INPP5A: variants seen among roughly 807,000 people sequenced by gnomAD.
The protein encoded by INPP5A is inositol polyphosphate-5-phosphatase A.
A neutral mutation model predicts 65.2 loss-of-function variants in INPP5A; 14 were observed. The observed-to-expected ratio is 0.21, with a 90% confidence interval of 0.14 to 0.34. The LOEUF is 0.34. Among genes scored for constraint, INPP5A ranks in the 10% least tolerant of loss-of-function variants. INPP5A has a pLI of 1.00. For missense variants in INPP5A, 431 were observed against 545.6 expected, an observed-to-expected ratio of 0.79 and a Z score of 2.09; for synonymous variants, 207 against 208.3, an observed-to-expected ratio of 0.99 and a Z score of 0.05.
intron 4 of INPP5A, among the ~76,000 whole-genome samples, chr10:132,685,319 G>C (rs1475013998): frequency 6.6e-6 from 1 of 152,260 alleles, no homozygotes; most frequent in Non-Finnish European, 1.5e-5. Context: ...GCTGGCACCT[G>C]TGGTCACGCC....
intron 2 of INPP5A, among the ~76,000 whole-genome samples, chr10:132,638,759 G>A (rs1354053194): frequency 6.6e-6 from 1 of 152,022 alleles, no homozygotes; most frequent in East Asian, 1.9e-4. Context: ...GTAGAGACGG[G>A]GTTTCACCAT....
Position 132,749,615 on chromosome 10 carries a change from G to T in INPP5A, c.828+3G>T. ...GTGAGTCGGACAACGACCGGAAGGT[G>T]AGCGGGGCCTGTGACTGGGCAGGTG... is the stretch of plus-strand genomic sequence containing the variant. On this transcript the variant is annotated splice_donor_region_variant and intron_variant, in intron 10 of 15. Transcript: ENST00000368594. The T allele has an allele frequency of 1.2e-6, 2 of 1,612,818 alleles. No individual in the cohort carries two copies.
rs1271374376 is a variant in INPP5A, at chr10:132,575,669, C to A, written c.76-32246C>A. On this transcript the variant is annotated intron_variant, in intron 1 of 15. Transcript: ENST00000368594. The surrounding 1 kb of genome is among the most constrained non-coding windows in gnomAD (Gnocchi z 5.4). Reference sequence around the variant, plus strand: ...TTTATCTTGGCGAGGAGGAATCCTGCACCAGCTTAGACAAGGAACTCCTGA... The same window carrying A: ...TTTATCTTGGCGAGGAGGAATCCTGAACCAGCTTAGACAAGGAACTCCTGA... Among the ~76,000 whole-genome samples the A allele has an allele frequency of 1.3e-5, 2 of 152,212 alleles. No individual in the cohort carries two copies. The highest frequency in any genetic ancestry group is 2.9e-5 in the Non-Finnish European group (2 of 68,038).
chr10:132,738,176 A>G (rs1293363957), intron 9 of INPP5A, among the ~76,000 whole-genome samples: 2 of 152,206 alleles, frequency 1.3e-5, no homozygotes, highest in Admixed American at 6.5e-5. Flanking sequence ...TTATTTAAAA[A>G]TTCCTCTGAC....
chr10:132,689,357 A>G (rs1590927919), intron 4 of INPP5A, among the ~76,000 whole-genome samples: 2 of 151,990 alleles, frequency 1.3e-5, no homozygotes, highest in Admixed American at 6.6e-5. Context: ...TCTCTGGCCC[A>G]CCTGGCACCG....
In INPP5A at chr10:132,550,056, G is replaced by A. The variant is rs1462943527; in HGVS notation, c.75+11885G>A. On this transcript the variant is annotated intron_variant, in intron 1 of 15. Coordinates refer to ENST00000368594, the MANE Select transcript of INPP5A (RefSeq NM_005539.5). The surrounding 1 kb of genome is among the most constrained non-coding windows in gnomAD (Gnocchi z 4.2). The stretch of plus-strand genomic sequence containing the variant: ...GGCATTAGGGGATGGGGTCAGCCTC[G>A]AGTTACTAACCGGGCATTAGGGGAT... Among the ~76,000 whole-genome samples, 1 of 106,566 alleles carries A rather than the reference G, an allele frequency of 9.4e-6. No homozygotes were observed. Among genetic ancestry groups the A allele is most frequent in the Admixed American group, 9.6e-5 (1 of 10,470 alleles). The allele number at this position is 106,566 out of a possible 152,430, so 69.9% of individuals were successfully genotyped here. A position where few individuals can be genotyped will look rare whatever the true frequency, so the allele number is the denominator to read the frequency against.
chr10:132,688,497 C>T (rs972999143), intron 4 of INPP5A, among the ~76,000 whole-genome samples: 2 of 152,224 alleles, frequency 1.3e-5, no homozygotes, highest in African/African-American at 2.4e-5. Flanking sequence ...TCTGCAGCCC[C>T]GTAGGGCAGC....
At chr10:132,773,156 TTG>T (rs1846986626) in intron 12 of INPP5A, among the ~76,000 whole-genome samples, 1 of 152,254 alleles carries the variant, frequency 6.6e-6, no homozygotes, top group Non-Finnish European at 1.5e-5. Flanking sequence ...GCACTCAGCC[TTG>T]TGTGTGCCTC....
rs73383156 is a variant in INPP5A, at chr10:132,641,651, G to A, written c.118-4217G>A. Among the ~76,000 whole-genome samples, 452 of 152,368 alleles carry A rather than the reference G, an allele frequency of 3.0e-3. 2 individuals are homozygous for A. Among genetic ancestry groups the A allele is most frequent in the African/African-American group, 0.01 (429 of 41,592 alleles). On this transcript the variant is annotated intron_variant, in intron 2 of 15. Transcript: ENST00000368594. ...AAGGGCCCCGTGTTGTAAACTGTGC[G>A]TGGAGGTAGTTTGATTTGTGGGTGT...
chr10:132,756,363 T>C (rs1442556002), intron 11 of INPP5A, among the ~76,000 whole-genome samples: 1 of 152,006 alleles, frequency 6.6e-6, no homozygotes, highest in Non-Finnish European at 1.5e-5. Flanking sequence ...TGTGTACACG[T>C]GTGCACTCGT....
At chr10:132,647,512 A>T (rs1358592802) in intron 3 of INPP5A, among the ~76,000 whole-genome samples, 2 of 152,224 alleles carry the variant, frequency 1.3e-5, no homozygotes, top group Non-Finnish European at 2.9e-5. Flanking sequence ...AAGGGTCAAG[A>T]ATAGTTAAAA....
At chr10:132,626,957 C>G (rs917963867) in intron 2 of INPP5A, among the ~76,000 whole-genome samples, 1 of 152,168 alleles carries the variant, frequency 6.6e-6, no homozygotes, top group African/African-American at 2.4e-5. Flanking sequence ...TGTGTCCCCC[C>G]AAGTTCATAG....
chr10:132,782,183 C>T lies in INPP5A; in HGVS notation c.*154C>T. On this transcript the variant is annotated 3_prime_UTR_variant, in exon 16 of 16. Transcript: ENST00000368594. This position sits in a 1 kb window ranked among gnomAD's most constrained non-coding sequence, Gnocchi z 4.4. ...CCCACACTTCGCTTCAGCCTCCGGA[C>T]CATTCCGGAGCAGCCTCACATACCT... 8.1e-7 allele frequency: 1 copy of T among 1,241,762 alleles called. No homozygotes were observed. Among genetic ancestry groups the T allele is most frequent in the Non-Finnish European group, 1.1e-6 (1 of 882,126 alleles). The allele number at this position is 1,241,762 out of a possible 1,614,324, so 76.9% of individuals were successfully genotyped here.
intron 2 of INPP5A, among the ~76,000 whole-genome samples, chr10:132,613,257 C>A (rs1238998974): frequency 6.9e-6 from 1 of 144,398 alleles, no homozygotes; most frequent in Non-Finnish European, 1.5e-5. Context: ...GCCCACAGGA[C>A]CCCCTCCTTC....
chr10:132,568,144 T>C (rs1206674593), intron 1 of INPP5A, among the ~76,000 whole-genome samples: 1 of 139,264 alleles, frequency 7.2e-6, no homozygotes, highest in Non-Finnish European at 1.5e-5. Flanking sequence ...TGAGCTGAGA[T>C]CGAGCCACTG....
Position 132,624,233 on chromosome 10 carries a change from C to T in INPP5A, c.117+16277C>T, listed in dbSNP as rs530194100. 1.2e-4 allele frequency among the ~76,000 whole-genome samples: 18 copies of T among 152,354 alleles called. 1 individual carries two copies. The South Asian group carries it at 3.7e-3, about 32-fold the overall frequency. ...TGTTCACAGCTGCTTCACCTGTGAT[C>T]CCCGCCTCTGCTGCGTGGTTCCATT... On this transcript the variant is annotated intron_variant, in intron 2 of 15. Coordinates refer to ENST00000368594, the MANE Select transcript of INPP5A (RefSeq NM_005539.5).
chr10:132,773,928 C>T (rs1050852165), intron 12 of INPP5A, among the ~76,000 whole-genome samples: 1 of 152,150 alleles, frequency 6.6e-6, no homozygotes, highest in Non-Finnish European at 1.5e-5. Flanking sequence ...ACCTGGCTAA[C>T]TTTTTTATTT....
At chr10:132,763,622 TG>T (rs1404304461) in intron 11 of INPP5A, among the ~76,000 whole-genome samples, 10 of 151,062 alleles carry the variant, frequency 6.6e-5, no homozygotes, top group Non-Finnish European at 1.0e-4. Flanking sequence ...CACACATGCC[TG>T]TGCACACATA....
At chr10:132,738,592 G>A (rs771577857) in intron 9 of INPP5A, among the ~76,000 whole-genome samples, 7 of 152,234 alleles carry the variant, frequency 4.6e-5, no homozygotes, top group East Asian at 1.9e-4. Context: ...GAGACCCGCC[G>A]CCTTCTTCCC....
Sources: gnomAD v4.1 joint callset for allele counts (sites outside exome capture counted in the v4.1 genomes callset) on GRCh38, gnomAD v4.1.1 for gene constraint, Gnocchi (gnomAD v3.1) non-coding constraint, MANE v1.5 for transcripts, NCBI Gene and HGNC (gene_info 2026-07-23, HGNC 2026-07-21) for gene names.